TMEM150C: variants seen among roughly 807,000 people sequenced by gnomAD.
The protein encoded by TMEM150C is transmembrane protein 150C.
A neutral mutation model predicts 29.9 loss-of-function variants in TMEM150C; 10 were observed. The ratio of observed to expected loss-of-function variants is 0.33; its 90% confidence interval spans 0.21 to 0.57. TMEM150C has a LOEUF of 0.57. Ranked by LOEUF, TMEM150C falls within the 20% of genes least tolerant of loss-of-function variation. The pLI is 0.88. For synonymous variants in TMEM150C, 101 were observed against 112.5 expected (o/e 0.90, Z 0.64); for missense variants, 251 against 303.6 (o/e 0.83, Z 1.29).
chr4:82,504,218 G>A (rs1723827371), intron 2 of TMEM150C, among the ~76,000 whole-genome samples: 1 of 151,736 alleles, frequency 6.6e-6, no homozygotes. Flanking sequence ...ATTTTTTGGG[G>A]GGGTGGGGAC....
chr4:82,538,438 A>T (rs890386696), intron 1 of TMEM150C, among the ~76,000 whole-genome samples: 1 of 152,238 alleles, frequency 6.6e-6, no homozygotes, highest in Non-Finnish European at 1.5e-5. Context: ...GTTATAGTGT[A>T]CCTATAATTA....
chr4:82,536,356 CAAAAAAAAAAAA>C (rs567469021), intron 1 of TMEM150C, among the ~76,000 whole-genome samples: 1 of 80,446 alleles, frequency 1.2e-5, no homozygotes, highest in African/African-American at 3.2e-5. Flanking sequence ...GACTCCATCT[CAAAAAAAAAAAA>C]AAAAAAAAAA....
chr4:82,513,136 C>T (rs115867338), intron 1 of TMEM150C, among the ~76,000 whole-genome samples: 3,918 of 152,342 alleles, frequency 0.026, 171 homozygotes, highest in African/African-American at 0.082. Flanking sequence ...CCCGTGCCTC[C>T]TGATGGGAAG....
chr4:82,498,018 A>AT (rs11338487), intron 5 of TMEM150C, among the ~76,000 whole-genome samples: 32 of 148,764 alleles, frequency 2.2e-4, no homozygotes, highest in Non-Finnish European at 2.4e-4. Flanking sequence ...AGCACACTTA[A>AT]TTTTTTTTTT....
At chr4:82,515,774 C>G (rs1724277994) in intron 1 of TMEM150C, among the ~76,000 whole-genome samples, 4 of 151,778 alleles carry the variant, frequency 2.6e-5, no homozygotes, top group Admixed American at 2.0e-4. Context: ...AGTCCTTCAG[C>G]CATAGGCAGT....
At chr4:82,487,051 C>T (rs1472234458) in intron 7 of TMEM150C, among the ~76,000 whole-genome samples, 1 of 152,048 alleles carries the variant, frequency 6.6e-6, no homozygotes, top group Non-Finnish European at 1.5e-5. Context: ...CCAAACTTTG[C>T]TTTGCTAACT....
At chr4:82,528,853 C>G (rs991416384) in intron 1 of TMEM150C, among the ~76,000 whole-genome samples, 2 of 152,120 alleles carry the variant, frequency 1.3e-5, no homozygotes, top group African/African-American at 4.8e-5. Context: ...CTCGGCCTCC[C>G]AAAGTATCCT....
chr4:82,522,246 G>T (rs1032720630), intron 1 of TMEM150C, among the ~76,000 whole-genome samples: 8 of 152,068 alleles, frequency 5.3e-5, no homozygotes, highest in African/African-American at 1.9e-4. Flanking sequence ...GCCAGTCCTG[G>T]TTATCTCACC....
In TMEM150C at chr4:82,502,812, G is replaced by A; in HGVS notation, c.168-18C>T. 2 of 1,592,606 alleles carry A rather than the reference G, an allele frequency of 1.3e-6. No individual in the cohort carries two copies. The highest frequency in any genetic ancestry group is 1.7e-6 in the Non-Finnish European group (2 of 1,168,540). ...CTGCAATGCTTGAAAAAGATGAAAT[G>A]TTTTATAGTTACTATATCAAAATCT... On this transcript the variant is annotated intron_variant, in intron 4 of 7. Transcript: ENST00000449862.
rs536499645 is a variant in TMEM150C, at chr4:82,536,406, A to T, written c.-11+25500T>A. Among the ~76,000 whole-genome samples, 7 of 152,158 alleles carry T rather than the reference A, an allele frequency of 4.6e-5. No individual in the cohort carries two copies. In the South Asian group the frequency reaches 1.5e-3, roughly 32 times the overall value. The stretch of plus-strand genomic sequence containing the variant: ...ATTATTTAATAAACGTGCTGGGAAC[A>T]TCAATTTTTAAACGGGGAAAAAATG... On this transcript the variant is annotated intron_variant, in intron 1 of 7. Transcript: ENST00000449862.
chr4:82,539,780 G>T (rs1012286968), intron 1 of TMEM150C, among the ~76,000 whole-genome samples: 3 of 152,000 alleles, frequency 2.0e-5, no homozygotes, highest in Non-Finnish European at 2.9e-5. Flanking sequence ...GAATAAAAAT[G>T]GAAACATCTA....
In TMEM150C at chr4:82,512,479, C is replaced by T. The variant is rs573519736; in HGVS notation, c.-10-7812G>A. Among the ~76,000 whole-genome samples, 30 of 152,308 alleles carry T rather than the reference C, an allele frequency of 2.0e-4. No homozygotes were observed. In the South Asian group the frequency reaches 5.0e-3, roughly 25 times the overall value. ...TCTCCTTCCATTATAATTCGGTAAG[C>T]GGCTGCTCGCCTACCTTATACTTCG... On this transcript the variant is annotated intron_variant, in intron 1 of 7. Transcript: ENST00000449862.
chr4:82,518,265 G>A (rs1724360549), intron 1 of TMEM150C, among the ~76,000 whole-genome samples: 5 of 151,712 alleles, frequency 3.3e-5, no homozygotes, highest in African/African-American at 7.3e-5. Flanking sequence ...GAAGTGAGCC[G>A]AGATCAAGCA....
intron 1 of TMEM150C, among the ~76,000 whole-genome samples, chr4:82,530,414 G>A (rs1214424311): frequency 3.9e-5 from 6 of 152,032 alleles, no homozygotes; most frequent in Non-Finnish European, 8.8e-5. Context: ...AAAATTAGCC[G>A]GGTGTGGTGG....
chr4:82,504,874 C>T (rs1723861386), intron 1 of TMEM150C, among the ~76,000 whole-genome samples: 1 of 152,030 alleles, frequency 6.6e-6, no homozygotes, highest in African/African-American at 2.4e-5. Flanking sequence ...ACTGAAAGTA[C>T]AAAACAATAG....
chr4:82,541,563 A>G (rs1725203255), intron 1 of TMEM150C, among the ~76,000 whole-genome samples: 1 of 152,234 alleles, frequency 6.6e-6, no homozygotes, highest in South Asian at 2.1e-4. Flanking sequence ...TCAGTATTAG[A>G]TGATATTCTA....
intron 6 of TMEM150C, chr4:82,494,963 T>C (rs1723492475): frequency 3.2e-6 from 2 of 632,924 alleles, no homozygotes; most frequent in African/African-American, 1.9e-5. Flanking sequence ...GTTTAGCATA[T>C]TCTGCAGCCT....
At chr4:82,511,393 G>A (rs1724117566) in intron 1 of TMEM150C, among the ~76,000 whole-genome samples, 1 of 151,596 alleles carries the variant, frequency 6.6e-6, no homozygotes. Flanking sequence ...GATGACTATA[G>A]GACTATAGGG....
At chr4:82,531,292 A>G (rs1448459077) in intron 1 of TMEM150C, among the ~76,000 whole-genome samples, 1 of 152,228 alleles carries the variant, frequency 6.6e-6, no homozygotes, top group African/African-American at 2.4e-5. Flanking sequence ...TATAACCTGT[A>G]GTTCAGAAGA....
Sources: gnomAD v4.1 joint callset for allele counts (sites outside exome capture counted in the v4.1 genomes callset) on GRCh38, gnomAD v4.1.1 for gene constraint, MANE v1.5 for transcripts, NCBI Gene and HGNC (gene_info 2026-07-23, HGNC 2026-07-21) for gene names.